HACE1: variants seen among roughly 807,000 people sequenced by gnomAD.
The protein encoded by HACE1 is HECT domain and ankyrin repeat containing E3 ubiquitin protein ligase 1, also known as E3 ubiquitin-protein ligase HACE1.
In HACE1, 73 loss-of-function variants were observed where a neutral mutation model predicts 118.4. The ratio of observed to expected loss-of-function variants is 0.62; its 90% CI spans 0.51 to 0.75. The LOEUF is 0.75. Among genes scored for constraint, HACE1 ranks in the 30% least tolerant of loss-of-function variants. The pLI is 0.00. For synonymous variants in HACE1, 368 were observed against 374.8 expected, an observed-to-expected ratio of 0.98 and a Z score of 0.21; for missense variants, 749 against 1,102.2, an observed-to-expected ratio of 0.68 and a Z score of 4.54.
chr6:104,776,597 C>A (rs1263745256), intron 17 of HACE1, 144 bp downstream of exon 17: 5 of 674,048 alleles, frequency 7.4e-6, no homozygotes, highest in Middle Eastern at 2.6e-4. Flanking sequence ...GATAAAAACT[C>A]TGAATTTCAG....
Position 104,744,624 on chromosome 6 carries a change from G to T in HACE1, c.2344-14C>A. 3.5e-6 allele frequency: 5 copies of T among 1,414,656 alleles called. No individual in the cohort carries two copies. The highest frequency in any genetic ancestry group is 5.0e-6 in the Non-Finnish European group (5 of 999,064). The allele number at this position is 1,414,656 out of a possible 1,614,324, so 87.6% of individuals were successfully genotyped here. A position where few individuals can be genotyped will look rare whatever the true frequency, so the allele number is the denominator to read the frequency against. On this transcript the variant is annotated splice_polypyrimidine_tract_variant and intron_variant, in intron 20 of 23. Transcript: ENST00000262903. ...AAGCAGTAGCTCCTTGGGGGAAGAAGAAAAATATTTCAATAATTTTCTTTA... is the reference window on the plus strand; with the variant it reads ...AAGCAGTAGCTCCTTGGGGGAAGAATAAAAATATTTCAATAATTTTCTTTA...
intron 11 of HACE1, among the ~76,000 whole-genome samples, chr6:104,791,148 G>A (rs1782980592): frequency 6.6e-6 from 1 of 152,080 alleles, no homozygotes; most frequent in African/African-American, 2.4e-5. Context: ...TAAAAACTGT[G>A]CATTTTATTT....
chr6:104,789,816 G>C (rs1296689361), intron 11 of HACE1, among the ~76,000 whole-genome samples: 1 of 151,904 alleles, frequency 6.6e-6, no homozygotes, highest in African/African-American at 2.4e-5. Flanking sequence ...TCAAATCATG[G>C]GTAGATTCCG....
At chr6:104,825,693 G>T (rs1773255714) in intron 6 of HACE1, among the ~76,000 whole-genome samples, 2 of 152,132 alleles carry the variant, frequency 1.3e-5, no homozygotes, top group Non-Finnish European at 1.5e-5. Context: ...AACATATATG[G>T]GGTATTTAGA....
intron 7 of HACE1, among the ~76,000 whole-genome samples, chr6:104,809,494 CAA>C (rs777709749): frequency 7.2e-5 from 11 of 152,000 alleles, no homozygotes; most frequent in Non-Finnish European, 1.5e-4. Context: ...TTAAGGAACG[CAA>C]AGAGAATCAC....
At chr6:104,797,332 C>T (rs193049234) in intron 7 of HACE1, among the ~76,000 whole-genome samples, 5 of 147,776 alleles carry the variant, frequency 3.4e-5, no homozygotes, top group Admixed American at 2.0e-4. Context: ...TTCTTACATT[C>T]ACTTCCTAAT....
At chr6:104,762,867 G>C (rs1311189824) in intron 19 of HACE1, among the ~76,000 whole-genome samples, 1 of 151,716 alleles carries the variant, frequency 6.6e-6, no homozygotes, top group Non-Finnish European at 1.5e-5. Flanking sequence ...GTGGACACCT[G>C]TAGTCCCAGC....
chr6:104,832,724 C>T (rs1370801179), intron 6 of HACE1, among the ~76,000 whole-genome samples: 2 of 151,942 alleles, frequency 1.3e-5, no homozygotes, highest in Admixed American at 1.3e-4. Flanking sequence ...TCTAACCATA[C>T]AGAATATATT....
At chr6:104,747,181 G>A (rs1037273143) in intron 20 of HACE1, among the ~76,000 whole-genome samples, 4 of 151,880 alleles carry the variant, frequency 2.6e-5, no homozygotes, top group Non-Finnish European at 5.9e-5. Context: ...CTATGTGTAA[G>A]GTATATAACT....
intron 5 of HACE1, among the ~76,000 whole-genome samples, chr6:104,842,598 A>G (rs1775227722): frequency 6.6e-6 from 1 of 152,180 alleles, no homozygotes; most frequent in Non-Finnish European, 1.5e-5. Flanking sequence ...GAACATAACG[A>G]AAAACAGCTC....
In HACE1 at chr6:104,859,853, C is replaced by T. The variant is rs1022435770; in HGVS notation, c.-211G>A. 14 of 506,852 alleles carry T rather than the reference C, an allele frequency of 2.8e-5. No homozygotes were observed. The highest frequency in any genetic ancestry group is 6.9e-6 in the Non-Finnish European group (2 of 289,936). The allele number at this position is 506,852 out of a possible 1,614,324, so 31.4% of individuals were successfully genotyped here. A position where few individuals can be genotyped will look rare whatever the true frequency, so the allele number is the denominator to read the frequency against. On this transcript the variant is annotated 5_prime_UTR_variant, in exon 1 of 24. Transcript: ENST00000262903. The stretch of plus-strand genomic sequence containing the variant: ...CCGACCACCTACAGTACACCCGCCG[C>T]CGCCTCTGCTCGCGCCTTTCCTGCA...
rs1471682828 is a variant in HACE1, at chr6:104,728,225, T to C, written c.*1437A>G. 1.3e-5 allele frequency: 2 copies of C among 152,250 alleles called. No homozygotes were observed. Among genetic ancestry groups the C allele is most frequent in the Non-Finnish European group, 2.9e-5 (2 of 68,042 alleles). The allele number at this position is 152,250 out of a possible 1,614,324, so 9.4% of individuals were successfully genotyped here. ...GTAAACATTAGTATTATAAGCAGTG[T>C]AATATTAAAGGTGGTTATCTATTTG... On this transcript the variant is annotated 3_prime_UTR_variant, in exon 24 of 24. Coordinates refer to ENST00000262903, the MANE Select transcript of HACE1 (RefSeq NM_020771.4).
At chr6:104,764,677 T>C (rs1329551540) in intron 19 of HACE1, among the ~76,000 whole-genome samples, 2 of 152,232 alleles carry the variant, frequency 1.3e-5, no homozygotes, top group African/African-American at 4.8e-5. Flanking sequence ...AGAACCATTT[T>C]GGCTACTTCA....
At chr6:104,737,746 G>C (rs1002836578) in intron 22 of HACE1, among the ~76,000 whole-genome samples, 41 of 152,314 alleles carry the variant, frequency 2.7e-4, no homozygotes, top group Admixed American at 1.6e-3. Flanking sequence ...CAGCGAGGCT[G>C]GGGGAGGGGC....
intron 7 of HACE1, among the ~76,000 whole-genome samples, chr6:104,808,662 A>G (rs1771287140): frequency 6.6e-6 from 1 of 152,208 alleles, no homozygotes; most frequent in African/African-American, 2.4e-5. Context: ...TATACATTCC[A>G]TTTAACCTTT....
At position 104,750,416 on chromosome 6, in the gene HACE1, C is replaced by T. The variant is rs1419760972; in HGVS notation, c.2268G>A (p.Gln756=). Residue 756 remains glutamine (Q), a synonymous_variant, in exon 20 of 24, where the codon CAG becomes CAA. Coordinates refer to ENST00000262903, the MANE Select transcript of HACE1 (RefSeq NM_020771.4). The part of the protein sequence containing the change: ...ELRMTRAIQP[Q]INAFLQGFHM... ...GAAAGCCCTGTAAAAAAGCATTGAT[C>T]TGAGGCTGAATGGCTCTTGTCATTC... 17 of 1,613,226 alleles carry T rather than the reference C, an allele frequency of 1.1e-5. No homozygotes were observed. The highest frequency in any genetic ancestry group is 1.4e-5 in the Non-Finnish European group (16 of 1,179,302).
At position 104,785,178 on chromosome 6, in the gene HACE1, G is replaced by A. The variant is rs774236122; in HGVS notation, c.1216C>T (p.Pro406Ser). 5 of 1,613,878 alleles carry A rather than the reference G, an allele frequency of 3.1e-6. No individual in the cohort carries two copies. The highest frequency in any genetic ancestry group is 2.7e-5 in the African/African-American group (2 of 74,906). The change falls in exon 12 of 24, where the codon CCT becomes TCT. Residue 406 changes from proline to serine, a missense_variant. Pro to Ser is a moderately conservative substitution (Grantham distance 74). This residue lies in a region of HACE1 where 267 missense variants were observed against 312.2 expected (regional missense o/e 0.86). Transcript: ENST00000262903. ...KGQDQDAASI[P>S]PFEPPGPGSY... ...CCAGGTCCTGGAGGTTCAAATGGAG[G>A]AATGGAAGCAGCATCTTGATCTTGG... is the stretch of plus-strand genomic sequence containing the variant.
At chr6:104,810,277 T>G (rs1444478088) in intron 7 of HACE1, among the ~76,000 whole-genome samples, 1 of 152,018 alleles carries the variant, frequency 6.6e-6, no homozygotes. Flanking sequence ...CAGAAGCCCC[T>G]GAATTCTAAT....
Position 104,813,691 on chromosome 6 carries a change from C to G in HACE1, c.535-2298G>C, listed in dbSNP as rs1426058100. Among the ~76,000 whole-genome samples, 7 of 138,338 alleles carry G rather than the reference C, an allele frequency of 5.1e-5. 1 individual carries two copies. The highest frequency in any genetic ancestry group is 5.0e-4 in the Admixed American group (7 of 14,008). The allele number at this position is 138,338 out of a possible 152,430, so 90.8% of individuals were successfully genotyped here. A position where few individuals can be genotyped will look rare whatever the true frequency, so the allele number is the denominator to read the frequency against. On this transcript the variant is annotated intron_variant, in intron 6 of 23. Transcript: ENST00000262903. ...ACAGTCAAACCAAGTAGTCAACAAA[C>G]TCAACTCATGTACACAACGCTTCCA...
Sources: gnomAD v4.1 joint callset for allele counts (sites outside exome capture counted in the v4.1 genomes callset) on GRCh38, gnomAD v4.1.1 for gene constraint, gnomAD v4.1.1 regional missense constraint, MANE v1.5 for transcripts, NCBI Gene and HGNC (gene_info 2026-07-23, HGNC 2026-07-21) for gene names.